Variants in OTUD7B observed in about 807,000 individuals in gnomAD.
OTUD7B encodes the protein OTU deubiquitinase 7B, also known as OTU domain-containing protein 7B.
Under a neutral mutation model 82.2 loss-of-function variants are expected in OTUD7B, and 34 were observed. That is an observed-to-expected ratio of 0.41 (90% CI 0.31 to 0.55). The LOEUF (loss-of-function observed/expected upper bound fraction) is 0.55. Ranked by LOEUF, OTUD7B falls within the 20% of genes least tolerant of loss-of-function variation. The pLI, the probability that OTUD7B is intolerant of heterozygous loss-of-function variation, is 0.20. For missense variants in OTUD7B, 944 were observed against 1,062.1 expected (o/e 0.89, Z 1.55); for synonymous variants, 398 against 402.7 (o/e 0.99, Z 0.14).
intron 7 of OTUD7B, among the ~76,000 whole-genome samples, chr1:149,958,539 G>A (rs1024338651): frequency 1.4e-4 from 21 of 151,730 alleles, no homozygotes; most frequent in African/African-American, 4.6e-4. Context: ...ACATTGGCCA[G>A]GCTGGTCTCG....
intron 1 of OTUD7B, among the ~76,000 whole-genome samples, chr1:149,998,257 C>T (rs1052411800): frequency 6.6e-5 from 10 of 152,148 alleles, no homozygotes; most frequent in African/African-American, 2.4e-4. Flanking sequence ...AACTGGTATC[C>T]TTTCCTCTAT....
chr1:149,999,759 G>A (rs56244698), intron 1 of OTUD7B, among the ~76,000 whole-genome samples: 3,568 of 152,204 alleles, frequency 0.023, 72 homozygotes, highest in Non-Finnish European at 0.036. Flanking sequence ...TCCCACTGTC[G>A]TGTCTTAATT....
chr1:150,014,032 A>ATGTGTGTG (rs1653191036), upstream of OTUD7B, among the ~76,000 whole-genome samples: 3 of 130,584 alleles, frequency 2.3e-5, no homozygotes, highest in South Asian at 2.5e-4. Context: ...ATACGTATAT[A>ATGTGTGTG]TACGTATATA....
the OTUD7B span, among the ~76,000 whole-genome samples, chr1:150,051,447 T>C: frequency 1.3e-5 from 2 of 152,078 alleles, no homozygotes; most frequent in Admixed American, 6.6e-5. Context: ...TAAAACTCTG[T>C]ACTTTATTTA....
intron 7 of OTUD7B, among the ~76,000 whole-genome samples, chr1:149,954,225 A>G (rs1379928689): frequency 6.6e-6 from 1 of 152,188 alleles, no homozygotes; most frequent in Non-Finnish European, 1.5e-5. Context: ...CGTCCCATCA[A>G]TATCTAGTTT....
chr1:149,974,499 G>A (rs114051532), intron 2 of OTUD7B, among the ~76,000 whole-genome samples: 1,989 of 149,028 alleles, frequency 0.013, 51 homozygotes, highest in African/African-American at 0.046. Flanking sequence ...GGCCTACAAA[G>A]GCCCTACACT....
chr1:150,011,310 T>C (rs897272124), upstream of OTUD7B, among the ~76,000 whole-genome samples: 2 of 152,124 alleles, frequency 1.3e-5, no homozygotes, highest in African/African-American at 4.8e-5. Context: ...ACATAGTGCG[T>C]TTGTTATGTC....
intron 1 of OTUD7B, among the ~76,000 whole-genome samples, chr1:149,982,969 C>G (rs1474098415): frequency 6.6e-6 from 1 of 151,864 alleles, no homozygotes; most frequent in Non-Finnish European, 1.5e-5. Flanking sequence ...GCCTCAGCCT[C>G]CCGAGTAGCT....
the OTUD7B span, among the ~76,000 whole-genome samples, chr1:150,062,404 A>T: frequency 6.6e-6 from 1 of 152,098 alleles, no homozygotes; most frequent in Admixed American, 6.6e-5. Context: ...CATTTTTTAG[A>T]TTACCATTGA....
chr1:149,949,346 G>C (rs955230279), intron 9 of OTUD7B, among the ~76,000 whole-genome samples: 3 of 152,116 alleles, frequency 2.0e-5, no homozygotes, highest in African/African-American at 4.8e-5. Flanking sequence ...TGTATATTCA[G>C]AGAATTCAGT....
intron 1 of OTUD7B, among the ~76,000 whole-genome samples, chr1:149,987,180 G>A (rs1553781035): frequency 6.6e-6 from 1 of 152,222 alleles, no homozygotes; most frequent in East Asian, 1.9e-4. Flanking sequence ...AGGCAACACA[G>A]GTAAAAGTGG....
At position 149,992,478 on chromosome 1, in the gene OTUD7B, T is replaced by G. The variant is rs1195750335; in HGVS notation, c.-66-14902A>C. Among the ~76,000 whole-genome samples the G allele has an allele frequency of 5.3e-3, 9 of 1,698 alleles. No individual in the cohort carries two copies. In the Non-Finnish European group the frequency reaches 0.057, roughly 11 times the overall value. 1.1% of individuals were successfully genotyped at this position (1,698 alleles called of 152,430 possible). ...TTTTGTGTGCATGTGTTTTTTTTTT[T>G]TTTTTTTTTTTTTTTAGTACAGAGT... On this transcript the variant is annotated intron_variant, in intron 1 of 11. Coordinates refer to ENST00000581312, the MANE Select transcript of OTUD7B (RefSeq NM_020205.4).
chr1:150,061,644 C>T, the OTUD7B span, among the ~76,000 whole-genome samples: 1 of 152,330 alleles, frequency 6.6e-6, no homozygotes, highest in African/African-American at 2.4e-5. Flanking sequence ...CCAGCAGTGA[C>T]CTGCCCAGGG....
At chr1:150,002,169 G>GT (rs1336021264) in intron 1 of OTUD7B, among the ~76,000 whole-genome samples, 1 of 150,810 alleles carries the variant, frequency 6.6e-6, no homozygotes, top group African/African-American at 2.4e-5. Context: ...TTCTGTTTGG[G>GT]TTTTTTCCCT....
At chr1:149,951,209 G>A (rs1301587815) in intron 7 of OTUD7B, among the ~76,000 whole-genome samples, 2 of 151,832 alleles carry the variant, frequency 1.3e-5, no homozygotes, top group Middle Eastern at 3.2e-3. Flanking sequence ...CTGACTTCGT[G>A]ATCCGCCCGC....
chr1:150,013,995 TACACACATATATATAC>T (rs1237580281), upstream of OTUD7B, among the ~76,000 whole-genome samples: 2 of 127,082 alleles, frequency 1.6e-5, no homozygotes, highest in African/African-American at 2.8e-5. Context: ...CACACATATA[TACACACATATATATAC>T]ACACACATAT....
chr1:149,983,301 C>T (rs1432933903), intron 1 of OTUD7B, among the ~76,000 whole-genome samples: 2 of 152,060 alleles, frequency 1.3e-5, no homozygotes, highest in Non-Finnish European at 2.9e-5. Context: ...AGACACAATC[C>T]CTATCCTCAA....
intron 2 of OTUD7B, among the ~76,000 whole-genome samples, chr1:149,977,043 C>T (rs1022120468): frequency 3.3e-5 from 5 of 152,074 alleles, no homozygotes; most frequent in Non-Finnish European, 7.3e-5. Flanking sequence ...ATTGACTGGA[C>T]CTGGGAGGCA....
the OTUD7B span, among the ~76,000 whole-genome samples, chr1:150,024,412 G>T: frequency 2.6e-5 from 4 of 152,168 alleles, no homozygotes; most frequent in Admixed American, 2.6e-4. Context: ...ACAATAAAGA[G>T]GATCAGGGAT....
Sources: gnomAD v4.1 joint callset for allele counts (sites outside exome capture counted in the v4.1 genomes callset) on GRCh38, gnomAD v4.1.1 for gene constraint, MANE v1.5 for transcripts, NCBI Gene and HGNC (gene_info 2026-07-23, HGNC 2026-07-21) for gene names.